SLC9A7: variants seen among roughly 807,000 people sequenced by gnomAD.
The protein encoded by SLC9A7 is solute carrier family 9 member A7, also known as sodium/hydrogen exchanger 7.
In SLC9A7, 19 loss-of-function variants were observed where a neutral mutation model predicts 52.6. That is an observed-to-expected ratio of 0.36 (90% CI 0.25 to 0.53). The LOEUF (loss-of-function observed/expected upper bound fraction) is 0.53, where lower values mean the gene tolerates loss of function less well. SLC9A7 is among the 20% of genes least tolerant of loss of function. SLC9A7 has a pLI of 0.91. For synonymous variants in SLC9A7, 226 were observed against 252.1 expected (o/e 0.90, Z 0.98); for missense variants, 455 against 597.9 (o/e 0.76, Z 2.49).
At chrX:46,740,723 A>C (rs1156340676) in intron 1 of SLC9A7, among the ~76,000 whole-genome samples, 4 of 111,175 alleles carry the variant, frequency 3.6e-5, no homozygotes, top group African/African-American at 9.8e-5. Context: ...TTTCCCCAAA[A>C]ATCAGTAACA....
At chrX:46,647,905 G>T (rs1053136908) in intron 11 of SLC9A7, among the ~76,000 whole-genome samples, 5 of 112,556 alleles carry the variant, frequency 4.4e-5, no homozygotes, top group Non-Finnish European at 9.4e-5. Flanking sequence ...GGTCACAGTA[G>T]CCTTTTGCAA....
chrX:46,648,542 T>C (rs1284433336), intron 11 of SLC9A7, 144 bp downstream of exon 11: 3 of 458,746 alleles, frequency 6.5e-6, no homozygotes, highest in Non-Finnish European at 1.1e-5. Context: ...AACATGTACA[T>C]CTGTCTATTT....
chrX:46,650,311 G>T (rs1050184182), intron 10 of SLC9A7, among the ~76,000 whole-genome samples: 1 of 111,619 alleles, frequency 9.0e-6, no homozygotes, highest in African/African-American at 3.3e-5. Flanking sequence ...TAAAAACATA[G>T]TATCTGAGGC....
chrX:46,629,670 G>A (rs933543076), intron 14 of SLC9A7, among the ~76,000 whole-genome samples: 1 of 111,844 alleles, frequency 8.9e-6, no homozygotes, highest in South Asian at 3.7e-4. Context: ...AGCTGCTATT[G>A]GCCTTTTTTT....
intron 1 of SLC9A7, among the ~76,000 whole-genome samples, chrX:46,746,063 G>T (rs1376027679): frequency 1.8e-5 from 2 of 110,661 alleles, no homozygotes; most frequent in Non-Finnish European, 3.8e-5. Context: ...AGTGGCTCAC[G>T]CCTGTAATCC....
intron 1 of SLC9A7, among the ~76,000 whole-genome samples, chrX:46,742,725 C>A (rs1434498906): frequency 9.0e-6 from 1 of 111,653 alleles, no homozygotes; most frequent in Admixed American, 9.5e-5. Context: ...AGTAAAAAGT[C>A]AATTTTACTT....
chrX:46,646,729 C>T (rs759650397), intron 11 of SLC9A7: 5 of 295,479 alleles, frequency 1.7e-5, no homozygotes, highest in East Asian at 1.6e-4. Flanking sequence ...TAGCAGTCAG[C>T]AGGTTCTGCT....
At chrX:46,751,248 C>A (rs73200281) in intron 1 of SLC9A7, among the ~76,000 whole-genome samples, 1,345 of 111,346 alleles carry the variant, frequency 0.012, 7 homozygotes, top group Non-Finnish European at 0.019. Context: ...TGAATCACAA[C>A]GTAGAGACAG....
In SLC9A7 at chrX:46,682,491, T is replaced by G. The variant is rs1350443167; in HGVS notation, c.370A>C (p.Ser124Arg). 3.3e-6 allele frequency: 4 copies of G among 1,209,262 alleles called. No individual in the cohort carries two copies. Among genetic ancestry groups the G allele is most frequent in the Non-Finnish European group, 4.5e-6 (4 of 895,051 alleles). ...CAGCTGAGTGATTTGTCACGGCCAC[T>G]GGTAGCAGGGGTACCATACCTCAGG... ...VILRYGTPAT[S>R]GRDKSLSCTQ... The change falls in exon 2 of 17, where the codon AGT (serine) becomes CGT (arginine). Residue 124 changes from serine (S) to arginine (R), a missense_variant. By Grantham distance (110) the Ser-to-Arg change is moderately radical (BLOSUM62 -1). Coordinates refer to ENST00000616978, the MANE Select transcript of SLC9A7 (RefSeq NM_001257291.2).
chrX:46,675,061 A>ATGTGTGTGTGTGTGTG (rs397895552), intron 3 of SLC9A7, among the ~76,000 whole-genome samples: 5 of 68,866 alleles, frequency 7.3e-5, no homozygotes, highest in South Asian at 1.9e-3. Flanking sequence ...GAGAGAGTGA[A>ATGTGTGTGTGTGTGTG]TGTGTGTGTG....
intron 1 of SLC9A7, 92 bp downstream of exon 1, chrX:46,758,613 G>T: frequency 2.0e-6 from 1 of 508,353 alleles, no homozygotes; most frequent in Non-Finnish European, 3.0e-6. Context: ...AACGGAACAC[G>T]TTGGCAAGTG....
At chrX:46,618,073 C>T (rs1291796042) in intron 15 of SLC9A7, among the ~76,000 whole-genome samples, 4 of 111,256 alleles carry the variant, frequency 3.6e-5, no homozygotes, top group African/African-American at 1.3e-4. Context: ...GAGGAGGAAA[C>T]CAAAGAGGTG....
intron 1 of SLC9A7, among the ~76,000 whole-genome samples, chrX:46,698,817 CA>C (rs1875757882): frequency 9.0e-6 from 1 of 111,608 alleles, no homozygotes; most frequent in African/African-American, 3.3e-5. Flanking sequence ...GGACAGTAGG[CA>C]GAAATTCATC....
At chrX:46,702,546 G>C (rs1039241849) in intron 1 of SLC9A7, among the ~76,000 whole-genome samples, 2 of 111,595 alleles carry the variant, frequency 1.8e-5, no homozygotes, top group African/African-American at 6.5e-5. Context: ...TTGGTTTTCT[G>C]TTCCTGTGTT....
chrX:46,745,092 C>G (rs1921643234), intron 1 of SLC9A7, among the ~76,000 whole-genome samples: 1 of 111,354 alleles, frequency 9.0e-6, no homozygotes, highest in African/African-American at 3.3e-5. Context: ...TTTACAGCAA[C>G]CAAGTGAACA....
intron 2 of SLC9A7, among the ~76,000 whole-genome samples, chrX:46,681,420 A>G (rs142304561): frequency 4.4e-5 from 5 of 112,486 alleles, no homozygotes; most frequent in African/African-American, 1.6e-4. Flanking sequence ...GAGAGCAAAG[A>G]GTGCTGCCAT....
rs755235058 is a variant in SLC9A7 at position 46,644,302 on chromosome X, G to A, written c.1463-913C>T. 2.7e-5 allele frequency among the ~76,000 whole-genome samples: 3 copies of A among 111,936 alleles called. No individual in the cohort carries two copies. In the Admixed American group the frequency reaches 2.8e-4, roughly 11 times the overall value. On this transcript the variant is annotated intron_variant, in intron 11 of 16. Coordinates refer to ENST00000616978, the MANE Select transcript of SLC9A7 (RefSeq NM_001257291.2). ...GGAGTTCATCCTTCTAAGCTCTTTTGTTCCTTTCCCATATCACGCTCATAA... is the reference window on the plus strand; with the variant it reads ...GGAGTTCATCCTTCTAAGCTCTTTTATTCCTTTCCCATATCACGCTCATAA...
intron 13 of SLC9A7, among the ~76,000 whole-genome samples, chrX:46,634,094 C>T (rs915866064): frequency 7.1e-5 from 8 of 111,929 alleles, no homozygotes; most frequent in Non-Finnish European, 1.5e-4. Context: ...CCTGGTATAA[C>T]GCTTTTGATC....
intron 2 of SLC9A7, among the ~76,000 whole-genome samples, chrX:46,680,147 G>A (rs1015599692): frequency 2.7e-5 from 3 of 110,357 alleles, no homozygotes; most frequent in Non-Finnish European, 5.7e-5. Context: ...TCAGGAGTTC[G>A]AGACCAGCCT....
Sources: gnomAD v4.1 joint callset for allele counts (sites outside exome capture counted in the v4.1 genomes callset) on GRCh38, gnomAD v4.1.1 for gene constraint, MANE v1.5 for transcripts, NCBI Gene and HGNC (gene_info 2026-07-23, HGNC 2026-07-21) for gene names.